PLAC1: variants seen among roughly 807,000 people sequenced by gnomAD.
PLAC1 encodes placenta-specific protein 1.
For missense variants in PLAC1, 136 were observed against 163.2 expected, an observed-to-expected ratio of 0.83 and a Z score of 0.91; for synonymous variants, 68 against 62.1, an observed-to-expected ratio of 1.09 and a Z score of -0.44.
At chrX:134,630,220 C>T (rs183098110) in intron 1 of PLAC1, among the ~76,000 whole-genome samples, 1,440 of 111,553 alleles carry the variant, frequency 0.013, 11 homozygotes, top group Middle Eastern at 0.028. Flanking sequence ...ATCTGCCCCC[C>T]TCGGCCTCCC....
chrX:134,709,127 C>A (rs2078619898), intron 2 of PLAC1, among the ~76,000 whole-genome samples: 1 of 112,189 alleles, frequency 8.9e-6, no homozygotes, highest in Non-Finnish European at 1.9e-5. Context: ...TGGCAATTTT[C>A]TTTAAATTGG....
intron 2 of PLAC1, among the ~76,000 whole-genome samples, chrX:134,595,599 AAT>A (rs1461965683): frequency 1.4e-4 from 14 of 97,195 alleles, no homozygotes; most frequent in African/African-American, 5.6e-4. Context: ...TTATATATAT[AAT>A]ATATATATAA....
At chrX:134,575,301 ACTT>A (rs2077931779) in intron 2 of PLAC1, among the ~76,000 whole-genome samples, 1 of 111,169 alleles carries the variant, frequency 9.0e-6, no homozygotes, top group East Asian at 2.8e-4. Flanking sequence ...CGAAGATTTG[ACTT>A]TGGGTGTGAT....
At chrX:134,746,586 C>T (rs2078729666) in intron 1 of PLAC1, among the ~76,000 whole-genome samples, 1 of 111,849 alleles carries the variant, frequency 8.9e-6, no homozygotes, top group Admixed American at 9.5e-5. Context: ...AAGCCCATAA[C>T]TCACTCTCCA....
At chrX:134,651,612 G>A (rs1186127615) in intron 1 of PLAC1, among the ~76,000 whole-genome samples, 8 of 111,550 alleles carry the variant, frequency 7.2e-5, no homozygotes, top group Non-Finnish European at 1.1e-4. Context: ...AAGATGCGGA[G>A]CTGTCAGCGC....
intron 2 of PLAC1, among the ~76,000 whole-genome samples, chrX:134,585,037 A>G (rs1390868565): frequency 2.7e-5 from 3 of 110,796 alleles, no homozygotes; most frequent in Non-Finnish European, 5.7e-5. Flanking sequence ...CTTAAAATTT[A>G]AAAAGTATTT....
chrX:134,652,155 A>G (rs1280749587), intron 1 of PLAC1, among the ~76,000 whole-genome samples: 2 of 111,681 alleles, frequency 1.8e-5, no homozygotes, highest in African/African-American at 6.5e-5. Context: ...CCAGAGGCAA[A>G]TATCTAGTTA....
At chrX:134,689,685 C>A (rs932630715) in intron 2 of PLAC1, among the ~76,000 whole-genome samples, 1 of 111,758 alleles carries the variant, frequency 8.9e-6, no homozygotes, top group African/African-American at 3.3e-5. Flanking sequence ...AAGTCCCTGC[C>A]CTTCTCTGAG....
At chrX:134,643,475 C>T (rs2078316772) in intron 1 of PLAC1, among the ~76,000 whole-genome samples, 1 of 111,855 alleles carries the variant, frequency 8.9e-6, no homozygotes, top group Non-Finnish European at 1.9e-5. Flanking sequence ...TAACTCTATA[C>T]AAAACCCCTA....
At chrX:134,707,808 T>A (rs951652688) in intron 2 of PLAC1, among the ~76,000 whole-genome samples, 1 of 112,163 alleles carries the variant, frequency 8.9e-6, no homozygotes, top group Non-Finnish European at 1.9e-5. Context: ...GTTTGATAGT[T>A]TTCTCAATGT....
Position 134,613,372 on chromosome X carries a change from G to C in PLAC1, c.-130-11250C>G, listed in dbSNP as rs769538735. Among the ~76,000 whole-genome samples the C allele has an allele frequency of 5.4e-5, 6 of 110,743 alleles. No individual in the cohort carries two copies. The East Asian group carries it at 1.7e-3, about 32-fold the overall frequency. ...CTCACAAGACCTGTTACATCAAGTA[G>C]AACTATGGGCAGAGGCGGAGGAAGG... On this transcript the variant is annotated intron_variant, in intron 1 of 2. Transcript: ENST00000359237.
At chrX:134,645,578 C>A (rs1258999359) in intron 1 of PLAC1, among the ~76,000 whole-genome samples, 1 of 111,677 alleles carries the variant, frequency 9.0e-6, no homozygotes, top group Non-Finnish European at 1.9e-5. Flanking sequence ...AAGTTTAGCT[C>A]CCAGCAAAAC....
chrX:134,593,524 A>C (rs1602814362), intron 2 of PLAC1, among the ~76,000 whole-genome samples: 1 of 112,508 alleles, frequency 8.9e-6, no homozygotes, highest in East Asian at 2.8e-4. Flanking sequence ...AAATGGATTT[A>C]AAGCATTTAA....
chrX:134,657,716 C>T (rs1569399412), intron 1 of PLAC1, among the ~76,000 whole-genome samples: 2 of 111,038 alleles, frequency 1.8e-5, no homozygotes, highest in Non-Finnish European at 3.8e-5. Context: ...AGACATGCCT[C>T]TCTGTGGTCA....
chrX:134,716,259 G>A (rs1021448843), intron 2 of PLAC1, among the ~76,000 whole-genome samples: 1 of 112,423 alleles, frequency 8.9e-6, no homozygotes, highest in African/African-American at 3.2e-5. Context: ...CCACCCCTAG[G>A]GTTCCTTGCG....
chrX:134,703,672 G>C lies in PLAC1; in HGVS notation n.174+29763C>G, dbSNP rs2078591005. Among the ~76,000 whole-genome samples the C allele has an allele frequency of 2.7e-5, 3 of 110,324 alleles. No homozygotes were observed. The South Asian group carries it at 1.2e-3, about 43-fold the overall frequency. ...AACTGTAAAAAATAGGGTTTCTTTT[G>C]AGATGATGATGTTCTAAAATGGTGA... is the stretch of plus-strand genomic sequence containing the variant. On this transcript the variant is annotated intron_variant and non_coding_transcript_variant, in intron 2 of 2. Coordinates refer to the PLAC1 transcript ENST00000466797.
At chrX:134,657,315 G>A (rs776144862) in intron 1 of PLAC1, among the ~76,000 whole-genome samples, 4 of 112,122 alleles carry the variant, frequency 3.6e-5, no homozygotes, top group South Asian at 3.7e-4. Context: ...TAATAAGCCC[G>A]TCATAATGTC....
intron 2 of PLAC1, among the ~76,000 whole-genome samples, chrX:134,579,216 G>A (rs919627240): frequency 9.0e-6 from 1 of 110,507 alleles, no homozygotes. Context: ...TCTCCTGTAA[G>A]GGCCCCAAAG....
At chrX:134,706,276 T>C (rs1321734851) in intron 2 of PLAC1, among the ~76,000 whole-genome samples, 1 of 112,600 alleles carries the variant, frequency 8.9e-6, no homozygotes, top group Non-Finnish European at 1.9e-5. Context: ...TAAGGAAGTA[T>C]CCCAATCACC....
Sources: allele counts gnomAD v4.1 joint callset (sites outside exome capture counted in the v4.1 genomes callset), GRCh38; gene constraint gnomAD v4.1.1; transcripts MANE v1.5; gene names NCBI Gene and HGNC (gene_info 2026-07-23, HGNC 2026-07-21).